CASQ2: variants seen among roughly 807,000 people sequenced by gnomAD.
CASQ2 encodes calsequestrin-2.
Under a neutral mutation model 46.5 loss-of-function variants are expected in CASQ2, and 49 were observed. The ratio of observed to expected loss-of-function variants is 1.05; its 90% CI spans 0.84 to 1.34. CASQ2 has a LOEUF of 1.34. Ranked by LOEUF, CASQ2 falls within the 40% of genes most tolerant of loss-of-function variation. The pLI is 0.00. For synonymous variants in CASQ2, 174 were observed against 168.5 expected, an observed-to-expected ratio of 1.03 and a Z score of -0.25; for missense variants, 486 against 481.3, an observed-to-expected ratio of 1.01 and a Z score of -0.09.
chr1:115,768,668 C>G lies in CASQ2; in HGVS notation c.-127G>C, dbSNP rs1430563854. 1 of 711,478 alleles carries G rather than the reference C, an allele frequency of 1.4e-6. No individual in the cohort carries two copies. Among genetic ancestry groups the G allele is most frequent in the East Asian group, 2.7e-5 (1 of 37,100 alleles). 44.1% of individuals were successfully genotyped at this position (711,478 alleles called of 1,614,324 possible). On this transcript the variant is annotated 5_prime_UTR_variant, in exon 1 of 11. Coordinates refer to ENST00000261448, the MANE Select transcript of CASQ2 (RefSeq NM_001232.4). Reference sequence around the variant, plus strand: ...TGATTTTCTCTCTTCTTTGCCCTTCCTGGGGCTGAAAAGTGACTCTTCACC... The same window carrying G: ...TGATTTTCTCTCTTCTTTGCCCTTCGTGGGGCTGAAAAGTGACTCTTCACC...
rs1647234746 is a variant in CASQ2, at chr1:115,718,089, G to A, written c.784-195C>T. On this transcript the variant is annotated intron_variant, in intron 7 of 10. Coordinates refer to ENST00000261448, the MANE Select transcript of CASQ2 (RefSeq NM_001232.4). ...AGGAATGCTGAGGAGCAACTGCCAGGAATGCATAGGGTTTGGATCAGGGAC... is the reference window on the plus strand; with the variant it reads ...AGGAATGCTGAGGAGCAACTGCCAGAAATGCATAGGGTTTGGATCAGGGAC... Among the ~76,000 whole-genome samples, 8 of 152,176 alleles carry A rather than the reference G, an allele frequency of 5.3e-5. No individual in the cohort carries two copies. The South Asian group carries it at 1.7e-3, about 32-fold the overall frequency.
intron 2 of CASQ2, among the ~76,000 whole-genome samples, chr1:115,744,460 GA>G (rs1196578445): frequency 2.6e-5 from 4 of 152,370 alleles, no homozygotes; most frequent in African/African-American, 9.6e-5. Context: ...AATACATGAT[GA>G]AAGAAGAGAA....
intron 8 of CASQ2, among the ~76,000 whole-genome samples, chr1:115,715,829 T>G (rs1386992971): frequency 6.6e-6 from 1 of 152,190 alleles, no homozygotes; most frequent in Non-Finnish European, 1.5e-5. Context: ...GGCTCTGTCT[T>G]GGTTGGTCAT....
intron 6 of CASQ2, among the ~76,000 whole-genome samples, chr1:115,726,164 G>T (rs1222392373): frequency 6.6e-6 from 1 of 152,190 alleles, no homozygotes; most frequent in Non-Finnish European, 1.5e-5. Context: ...TCACAGTACT[G>T]CAGGTCCAAT....
intron 1 of CASQ2, among the ~76,000 whole-genome samples, chr1:115,761,664 G>A (rs1264185325): frequency 1.3e-5 from 2 of 151,432 alleles, no homozygotes; most frequent in Non-Finnish European, 2.9e-5. Flanking sequence ...GAGGCCCGAA[G>A]GAAGAAGGAA....
At chr1:115,741,904 C>T (rs145944559) in intron 2 of CASQ2, among the ~76,000 whole-genome samples, 26 of 152,316 alleles carry the variant, frequency 1.7e-4, no homozygotes, top group East Asian at 7.7e-4. Context: ...AACTCTTCTG[C>T]AGAACGTCCA....
At chr1:115,726,953 GA>G in intron 6 of CASQ2, 38 bp downstream of exon 6, 1 of 607,776 alleles carries the variant, frequency 1.6e-6, no homozygotes, top group Non-Finnish European at 3.1e-6. Flanking sequence ...CCATTCCCCA[GA>G]CCCCAGGCCC....
intron 1 of CASQ2, among the ~76,000 whole-genome samples, chr1:115,755,541 C>T (rs929085545): frequency 6.6e-6 from 1 of 152,170 alleles, no homozygotes; most frequent in East Asian, 1.9e-4. Flanking sequence ...CTTATTGCTT[C>T]CACAGTGCAA....
intron 3 of CASQ2, among the ~76,000 whole-genome samples, chr1:115,739,629 T>C (rs1167460328): frequency 6.6e-6 from 1 of 152,216 alleles, no homozygotes; most frequent in African/African-American, 2.4e-5. Context: ...GGAAATGCAA[T>C]GTATTTGTTC....
At chr1:115,738,407 A>T (rs1471991325) in intron 3 of CASQ2, 72 bp from the exon 4 acceptor site, 2 of 989,472 alleles carry the variant, frequency 2.0e-6, no homozygotes, top group Non-Finnish European at 3.3e-6. Context: ...AACAGAGTGC[A>T]TTGGAGGGAA....
chr1:115,732,493 A>G (rs549583147), intron 5 of CASQ2, among the ~76,000 whole-genome samples: 5 of 152,252 alleles, frequency 3.3e-5, no homozygotes, highest in Admixed American at 2.6e-4. Flanking sequence ...TGCTTGAACT[A>G]ATCACAGAGG....
At chr1:115,764,301 T>C (rs758988594) in intron 1 of CASQ2, among the ~76,000 whole-genome samples, 1 of 152,156 alleles carries the variant, frequency 6.6e-6, no homozygotes, top group Non-Finnish European at 1.5e-5. Flanking sequence ...CATTACTGTT[T>C]AATAATATAG....
rs115538769 is a variant in CASQ2, at chr1:115,721,461, T to C, written c.784-3567A>G. 6.0e-3 allele frequency among the ~76,000 whole-genome samples: 909 copies of C among 152,258 alleles called. 9 individuals are homozygous for C. The highest frequency in any genetic ancestry group is 0.021 in the African/African-American group (869 of 41,554). ...ATCTTAAAAACCTGCACAATTAGAG[T>C]GAGAGAAAGATCAATAGTTGTTTTA... On this transcript the variant is annotated intron_variant, in intron 7 of 10. Transcript: ENST00000261448.
At chr1:115,735,277 G>T (rs749627688) in intron 4 of CASQ2, among the ~76,000 whole-genome samples, 15 of 152,210 alleles carry the variant, frequency 9.9e-5, no homozygotes, top group Non-Finnish European at 2.2e-4. Flanking sequence ...TTTTGGTGAA[G>T]AAATGGGTTC....
At chr1:115,723,179 C>A (rs1647443417) in intron 7 of CASQ2, among the ~76,000 whole-genome samples, 1 of 152,170 alleles carries the variant, frequency 6.6e-6, no homozygotes, top group Non-Finnish European at 1.5e-5. Context: ...GATGGGACAA[C>A]TGGCCAATTT....
chr1:115,729,008 T>C lies in CASQ2; in HGVS notation c.607-1886A>G, dbSNP rs184185706. Among the ~76,000 whole-genome samples, 447 of 151,760 alleles carry C rather than the reference T, an allele frequency of 2.9e-3. 10 individuals are homozygous for C. The South Asian group carries it at 0.036, about 12-fold the overall frequency. ...ACCATCATGGAGTGCTCTCATCTTG[T>C]ATCTCAGAGAATCCCTCTCTTTCAT... On this transcript the variant is annotated intron_variant, in intron 5 of 10. Transcript: ENST00000261448.
At chr1:115,716,211 G>A (rs1204319929) in intron 8 of CASQ2, among the ~76,000 whole-genome samples, 3 of 152,188 alleles carry the variant, frequency 2.0e-5, no homozygotes, top group Non-Finnish European at 4.4e-5. Flanking sequence ...ACAGAGCACT[G>A]CCATAGGGAA....
At chr1:115,750,423 GA>G (rs1270156361) in intron 1 of CASQ2, among the ~76,000 whole-genome samples, 2 of 152,292 alleles carry the variant, frequency 1.3e-5, no homozygotes, top group East Asian at 3.9e-4. Context: ...ATTCTTTCTA[GA>G]AACATTAGGA....
chr1:115,710,812 T>C (rs1001811333), intron 8 of CASQ2, among the ~76,000 whole-genome samples: 1 of 152,180 alleles, frequency 6.6e-6, no homozygotes, highest in Admixed American at 6.5e-5. Flanking sequence ...TGAGAGACCA[T>C]GACCCACAGC....
Sources: allele counts gnomAD v4.1 joint callset (sites outside exome capture counted in the v4.1 genomes callset), GRCh38; gene constraint gnomAD v4.1.1; transcripts MANE v1.5; gene names NCBI Gene and HGNC (gene_info 2026-07-23, HGNC 2026-07-21).